Variants in KLHL29 observed in about 807,000 individuals in gnomAD.
KLHL29 encodes kelch-like protein 29.
KLHL29 carries 21 observed loss-of-function variants against 80.4 expected under a neutral mutation model. The ratio of observed to expected loss-of-function variants is 0.26; its 90% confidence interval spans 0.19 to 0.38. The LOEUF is 0.38. KLHL29 is among the 10% of genes least tolerant of loss of function. The pLI is 1.00. For synonymous variants in KLHL29, 511 were observed against 526.8 expected (o/e 0.97, Z 0.41); for missense variants, 867 against 1,223.9 (o/e 0.71, Z 4.35).
At chr2:23,613,756 T>C (rs1572438815) in intron 3 of KLHL29, among the ~76,000 whole-genome samples, 2 of 46,792 alleles carry the variant, frequency 4.3e-5, no homozygotes, top group East Asian at 5.0e-4. Flanking sequence ...AGGGCAAGAC[T>C]CCATCTCAAA....
At chr2:23,490,936 AT>A (rs200594689) in intron 2 of KLHL29, among the ~76,000 whole-genome samples, 1 of 151,302 alleles carries the variant, frequency 6.6e-6, no homozygotes, top group African/African-American at 2.4e-5. Context: ...TTTACATCAG[AT>A]TTTTTTTTAC....
At chr2:23,400,501 C>A (rs533242946) in intron 1 of KLHL29, among the ~76,000 whole-genome samples, 1 of 152,146 alleles carries the variant, frequency 6.6e-6, no homozygotes, top group East Asian at 1.9e-4. Context: ...CAATGCTGGG[C>A]AGTATCTTAT....
intron 1 of KLHL29, among the ~76,000 whole-genome samples, chr2:23,472,669 A>G (rs1367710654): frequency 1.3e-5 from 2 of 152,096 alleles, no homozygotes; most frequent in Admixed American, 1.3e-4. Flanking sequence ...CTTGATAAAT[A>G]TGACCATTAT....
At chr2:23,559,952 A>G (rs1269785687) in intron 2 of KLHL29, among the ~76,000 whole-genome samples, 1 of 152,188 alleles carries the variant, frequency 6.6e-6, no homozygotes, top group Non-Finnish European at 1.5e-5. Context: ...GAGGGCTGGC[A>G]TCACAGAAAC....
chr2:23,519,914 A>G (rs1279915885), intron 2 of KLHL29, among the ~76,000 whole-genome samples: 1 of 152,144 alleles, frequency 6.6e-6, no homozygotes, highest in East Asian at 1.9e-4. Context: ...ATATGAATCT[A>G]TCTCAGTGGG....
At chr2:23,415,092 C>T (rs1003718926) in intron 1 of KLHL29, among the ~76,000 whole-genome samples, 5 of 152,246 alleles carry the variant, frequency 3.3e-5, no homozygotes, top group Non-Finnish European at 7.3e-5. Context: ...AGAACAGCAC[C>T]ACCAAGCTTC....
chr2:23,644,825 CGAGGGCCAGGTGT>C (rs1669876103), intron 5 of KLHL29, among the ~76,000 whole-genome samples: 2 of 152,206 alleles, frequency 1.3e-5, no homozygotes, highest in Middle Eastern at 3.2e-3. Flanking sequence ...CTGGGCAGAC[CGAGGGCCAGGTGT>C]GAGGGCCAGG....
At chr2:23,402,917 A>C (rs1030840975) in intron 1 of KLHL29, among the ~76,000 whole-genome samples, 1 of 150,508 alleles carries the variant, frequency 6.6e-6, no homozygotes, top group East Asian at 1.9e-4. Flanking sequence ...ATGTATGTGT[A>C]TATATCTTAT....
rs534516828 is a variant in KLHL29, at chr2:23,547,735, C to T, written c.-45-14417C>T. ...ACAGAGTGCATGTGAAAAGAAGTAG[C>T]GGGAGGAAAAGATACTTGTTTGCTA... is the stretch of plus-strand genomic sequence containing the variant. On this transcript the variant is annotated intron_variant, in intron 2 of 13. Transcript: ENST00000486442. Among the ~76,000 whole-genome samples, 12 of 151,884 alleles carry T rather than the reference C, an allele frequency of 7.9e-5. No homozygotes were observed. In the East Asian group the frequency reaches 9.7e-4, roughly 12 times the overall value.
intron 3 of KLHL29, among the ~76,000 whole-genome samples, chr2:23,594,294 A>T (rs1430340695): frequency 6.6e-6 from 1 of 152,062 alleles, no homozygotes; most frequent in Non-Finnish European, 1.5e-5. Flanking sequence ...AGGTGTCACC[A>T]TCTGGAACCA....
intron 5 of KLHL29, among the ~76,000 whole-genome samples, chr2:23,660,212 G>A (rs566444080): frequency 1.3e-5 from 2 of 152,190 alleles, no homozygotes; most frequent in Non-Finnish European, 2.9e-5. Context: ...GACCAGGCAG[G>A]CATGGACCAC....
chr2:23,542,433 T>C (rs1666862543), intron 2 of KLHL29, among the ~76,000 whole-genome samples: 1 of 152,210 alleles, frequency 6.6e-6, no homozygotes, highest in African/African-American at 2.4e-5. Flanking sequence ...TTGGTGTCTC[T>C]GGTTCTCTCC....
intron 3 of KLHL29, among the ~76,000 whole-genome samples, chr2:23,567,355 C>G (rs980633535): frequency 4.6e-5 from 7 of 152,198 alleles, no homozygotes; most frequent in African/African-American, 1.7e-4. Flanking sequence ...CCCATCGTCC[C>G]TCAGAGCTAA....
rs2149233588 is a variant in KLHL29 at position 23,706,462 on chromosome 2, C to A, written c.2445-19C>A. ...TTGGAAGTGAAATGCCTAACTCTGT[C>A]CCCGCTTTCCCCCAACAGTGCTGTG... On this transcript the variant is annotated intron_variant, in intron 13 of 13. Coordinates refer to ENST00000486442, the MANE Select transcript of KLHL29 (RefSeq NM_052920.2). The A allele has an allele frequency of 6.9e-7, 1 of 1,458,590 alleles. No homozygotes were observed. The highest frequency in any genetic ancestry group is 9.0e-7 in the Non-Finnish European group (1 of 1,105,570). The allele number at this position is 1,458,590 out of a possible 1,614,324, so 90.4% of individuals were successfully genotyped here.
chr2:23,693,578 C>T (rs1200098085), intron 8 of KLHL29, 50 bp downstream of exon 8: 2 of 1,519,938 alleles, frequency 1.3e-6, no homozygotes, highest in Non-Finnish European at 1.8e-6. Flanking sequence ...TGGGGTCCCC[C>T]TGCGGCAATG....
chr2:23,591,096 C>T (rs532164647), intron 3 of KLHL29, among the ~76,000 whole-genome samples: 1 of 152,114 alleles, frequency 6.6e-6, no homozygotes, highest in African/African-American at 2.4e-5. Context: ...GGGAGCGCTG[C>T]GACTTTAAAC....
Position 23,562,268 on chromosome 2 carries a change from C to T in KLHL29, c.72C>T (p.Asn24=), listed in dbSNP as rs946404086. ...GGGACCGCCGCGAATGGAGCGTCAA[C>T]GGGACGCATGGGACCACCAGCATCT... ...VGWDRREWSV[N]GTHGTTSICS... Residue 24 remains asparagine (N), a synonymous_variant, in exon 3 of 14, where the codon AAC becomes AAT. Transcript: ENST00000486442. This position sits in a 1 kb window ranked among gnomAD's most constrained non-coding sequence, Gnocchi z 4.5. The T allele has an allele frequency of 1.2e-5, 19 of 1,549,736 alleles. No homozygotes were observed. Among genetic ancestry groups the T allele is most frequent in the African/African-American group, 4.1e-5 (3 of 73,046 alleles).
intron 3 of KLHL29, among the ~76,000 whole-genome samples, chr2:23,636,874 C>T (rs541306426): frequency 1.3e-5 from 2 of 152,258 alleles, no homozygotes; most frequent in South Asian, 4.1e-4. Context: ...CGAGGAGACC[C>T]CAACCTCCTC....
intron 5 of KLHL29, among the ~76,000 whole-genome samples, chr2:23,660,300 T>A (rs1670369153): frequency 6.6e-6 from 1 of 152,188 alleles, no homozygotes; most frequent in African/African-American, 2.4e-5. Flanking sequence ...TCACCTCAGC[T>A]CCCTGTTGCT....
Sources: allele counts gnomAD v4.1 joint callset (sites outside exome capture counted in the v4.1 genomes callset), GRCh38; gene constraint gnomAD v4.1.1; non-coding constraint Gnocchi (gnomAD v3.1); transcripts MANE v1.5; gene names NCBI Gene and HGNC (gene_info 2026-07-23, HGNC 2026-07-21).